The following RYR3 variants were observed in gnomAD, a reference collection of about 807,000 sequenced individuals.
RYR3 encodes the protein brain ryanodine receptor-calcium release channel.
RYR3 carries 207 observed loss-of-function variants against 584.3 expected under a neutral mutation model. The ratio of observed to expected loss-of-function variants is 0.35; its 90% CI spans 0.32 to 0.40. The LOEUF (loss-of-function observed/expected upper bound fraction) is 0.40, where lower values mean the gene tolerates loss of function less well. Ranked by LOEUF, RYR3 falls within the 10% of genes least tolerant of loss-of-function variation. The pLI, the probability that RYR3 is intolerant of heterozygous loss-of-function variation, is 1.00. For synonymous variants in RYR3, 2,416 were observed against 2,248.5 expected, an observed-to-expected ratio of 1.07 and a Z score of -2.11; for missense variants, 5,616 against 6,089.2, an observed-to-expected ratio of 0.92 and a Z score of 2.59.
At chr15:33,438,301 C>T (rs901296005) in intron 1 of RYR3, among the ~76,000 whole-genome samples, 5 of 152,096 alleles carry the variant, frequency 3.3e-5, no homozygotes, top group Admixed American at 6.5e-5. Context: ...TCTCCCATTC[C>T]GTACTTCCCT....
At chr15:33,553,428 T>C (rs1263240459) in intron 10 of RYR3, among the ~76,000 whole-genome samples, 2 of 152,164 alleles carry the variant, frequency 1.3e-5, no homozygotes, top group Non-Finnish European at 2.9e-5. Flanking sequence ...AGCAGGAAGA[T>C]GGCAGGTGCC....
At chr15:33,336,259 CTG>C (rs1482012149) in intron 1 of RYR3, among the ~76,000 whole-genome samples, 1 of 151,322 alleles carries the variant, frequency 6.6e-6, no homozygotes, top group East Asian at 2.0e-4. Flanking sequence ...TGGTGAAACG[CTG>C]TCTCTACTAT....
At chr15:33,419,919 T>C (rs2044114905) in intron 1 of RYR3, among the ~76,000 whole-genome samples, 1 of 152,192 alleles carries the variant, frequency 6.6e-6, no homozygotes, top group African/African-American at 2.4e-5. Flanking sequence ...AAGCAGCGTA[T>C]GCTTCAGCTC....
chr15:33,317,922 C>T (rs1005315663), intron 1 of RYR3, among the ~76,000 whole-genome samples: 4 of 152,148 alleles, frequency 2.6e-5, no homozygotes, highest in African/African-American at 9.7e-5. Flanking sequence ...CAGTGAACTC[C>T]TCATTGATTT....
chr15:33,658,633 G>T (rs115618112), intron 32 of RYR3, among the ~76,000 whole-genome samples: 1 of 152,166 alleles, frequency 6.6e-6, no homozygotes, highest in Non-Finnish European at 1.5e-5. Context: ...AACCTAAAAG[G>T]TTTCAGTTGG....
intron 1 of RYR3, among the ~76,000 whole-genome samples, chr15:33,312,577 C>G (rs1390905116): frequency 6.6e-6 from 1 of 152,176 alleles, no homozygotes. Context: ...CCATCAAATC[C>G]TTTGGTTGTC....
At chr15:33,854,995 C>G (rs762407579) in intron 98 of RYR3, 83 bp downstream of exon 98, 2 of 1,324,696 alleles carry the variant, frequency 1.5e-6, no homozygotes, top group South Asian at 1.9e-5. Flanking sequence ...CAGTATATGA[C>G]AGGAAGGAAT....
At chr15:33,402,523 A>G (rs1473585803) in intron 1 of RYR3, among the ~76,000 whole-genome samples, 1 of 152,252 alleles carries the variant, frequency 6.6e-6, no homozygotes, top group Non-Finnish European at 1.5e-5. Flanking sequence ...TTGGATAAAT[A>G]TTCTTTATTC....
chr15:33,836,189 C>CTT (rs11461342), intron 87 of RYR3, among the ~76,000 whole-genome samples: 73 of 144,984 alleles, frequency 5.0e-4, no homozygotes, highest in Admixed American at 9.0e-4. Flanking sequence ...CTTTTCTTTC[C>CTT]TTTTTTTTGT....
At chr15:33,813,693 C>T in intron 74 of RYR3, 114 bp downstream of exon 74, 1 of 865,954 alleles carries the variant, frequency 1.2e-6, no homozygotes, top group Non-Finnish European at 1.9e-6. Context: ...GAATCCTTGG[C>T]CTATGGAGCT....
chr15:33,472,220 G>C (rs1185064521), intron 1 of RYR3, among the ~76,000 whole-genome samples: 1 of 152,138 alleles, frequency 6.6e-6, no homozygotes, highest in African/African-American at 2.4e-5. Flanking sequence ...GCATTCCCCT[G>C]CAGCCCCTCA....
intron 2 of RYR3, among the ~76,000 whole-genome samples, chr15:33,490,170 G>T (rs1018355534): frequency 6.6e-6 from 1 of 152,146 alleles, no homozygotes; most frequent in African/African-American, 2.4e-5. Context: ...CCAGGATTTT[G>T]CTGCTTTCTC....
At position 33,540,630 on chromosome 15, in the gene RYR3, A is replaced by C. The variant is rs1303119702; in HGVS notation, c.547-161A>C. Among the ~76,000 whole-genome samples, 7 of 152,276 alleles carry C rather than the reference A, an allele frequency of 4.6e-5. No individual in the cohort carries two copies. The South Asian group carries it at 1.4e-3, about 32-fold the overall frequency. On this transcript the variant is annotated intron_variant, in intron 6 of 103. Transcript: ENST00000634891. Reference sequence around the variant, plus strand: ...CCCAGAATAAAGTGTCCCACTTTGAAGCTGCTTCTAGATCAGGTGGAGAAA... The same window carrying C: ...CCCAGAATAAAGTGTCCCACTTTGACGCTGCTTCTAGATCAGGTGGAGAAA...
intron 1 of RYR3, among the ~76,000 whole-genome samples, chr15:33,397,759 G>T (rs1476057734): frequency 6.6e-6 from 1 of 152,148 alleles, no homozygotes; most frequent in Non-Finnish European, 1.5e-5. Context: ...CCTGGCCTTA[G>T]GTCTTGTTTA....
intron 80 of RYR3, 98 bp from the exon 81 acceptor site, chr15:33,822,898 A>T: frequency 1.1e-6 from 1 of 917,070 alleles, no homozygotes; most frequent in Non-Finnish European, 1.7e-6. Flanking sequence ...AGAGCGTCCA[A>T]CTCAGTGTGG....
intron 43 of RYR3, among the ~76,000 whole-genome samples, chr15:33,718,239 T>C (rs949394536): frequency 3.3e-5 from 5 of 152,320 alleles, no homozygotes; most frequent in South Asian, 2.1e-4. Flanking sequence ...TGCAGGCTCT[T>C]GTAAACAGAG....
intron 90 of RYR3, 107 bp from the exon 91 acceptor site, chr15:33,841,757 T>C (rs914589812): frequency 9.6e-6 from 11 of 1,141,940 alleles, no homozygotes; most frequent in African/African-American, 9.4e-5. Context: ...AAGGAATGAT[T>C]CTACCTCCCG....
chr15:33,570,397 T>C (rs2057961212), intron 12 of RYR3, among the ~76,000 whole-genome samples: 1 of 152,176 alleles, frequency 6.6e-6, no homozygotes, highest in Non-Finnish European at 1.5e-5. Flanking sequence ...ATCATAAATA[T>C]AAGAGTTCTT....
intron 36 of RYR3, among the ~76,000 whole-genome samples, chr15:33,667,905 T>C (rs2063574499): frequency 2.0e-5 from 3 of 151,780 alleles, no homozygotes; most frequent in Admixed American, 2.0e-4. Context: ...CTACTAAAAA[T>C]ACAAGAAATT....
Sources: gnomAD v4.1 joint callset for allele counts (sites outside exome capture counted in the v4.1 genomes callset) on GRCh38, gnomAD v4.1.1 for gene constraint, MANE v1.5 for transcripts, NCBI Gene and HGNC (gene_info 2026-07-23, HGNC 2026-07-21) for gene names.